The following TLK1 variants were observed in gnomAD, a reference collection of about 807,000 sequenced individuals.
The protein encoded by TLK1 is tousled like kinase 1, also known as serine/threonine-protein kinase tousled-like 1.
A neutral mutation model predicts 105.3 loss-of-function variants in TLK1; 24 were observed. That is an observed-to-expected ratio of 0.23 (90% CI 0.17 to 0.32). TLK1 has a LOEUF of 0.32. Ranked by LOEUF, TLK1 falls within the 10% of genes least tolerant of loss-of-function variation. The probability of loss-of-function intolerance (pLI) is 1.00; values close to 1 mark genes in which losing one functional copy is unlikely to be tolerated. For missense variants in TLK1, 558 were observed against 910.5 expected, an observed-to-expected ratio of 0.61 and a Z score of 4.98; for synonymous variants, 321 against 310.4, an observed-to-expected ratio of 1.03 and a Z score of -0.36.
intron 1 of TLK1, among the ~76,000 whole-genome samples, chr2:171,184,634 C>T (rs1339109291): frequency 9.9e-5 from 14 of 141,932 alleles, no homozygotes; most frequent in Non-Finnish European, 1.7e-4. Flanking sequence ...AAGAGCAAAA[C>T]TCCGTCTCAA....
chr2:171,077,997 ATC>A (rs1261444387), intron 3 of TLK1, among the ~76,000 whole-genome samples: 1 of 152,182 alleles, frequency 6.6e-6, no homozygotes, highest in Admixed American at 6.5e-5. Flanking sequence ...AGATCTGCTT[ATC>A]TACAACCAAG....
intron 1 of TLK1, among the ~76,000 whole-genome samples, chr2:171,175,599 T>C (rs946523823): frequency 6.6e-6 from 1 of 152,244 alleles, no homozygotes. Context: ...GAAGAAAAAC[T>C]GGAGCACCAT....
intron 1 of TLK1, among the ~76,000 whole-genome samples, chr2:171,219,996 G>C (rs549410402): frequency 6.6e-6 from 1 of 152,058 alleles, no homozygotes; most frequent in African/African-American, 2.4e-5. Context: ...CAACATTATC[G>C]CTTTGGGGGT....
chr2:171,198,402 T>G (rs780873625), intron 1 of TLK1, among the ~76,000 whole-genome samples: 3 of 152,134 alleles, frequency 2.0e-5, no homozygotes, highest in Non-Finnish European at 2.9e-5. Flanking sequence ...ATATCTCAAT[T>G]GGAAAAATAA....
rs1424183242 is a variant in TLK1, at chr2:170,993,684, A to G, written c.*96T>C. On this transcript the variant is annotated 3_prime_UTR_variant, in exon 21 of 21. Coordinates refer to ENST00000431350, the MANE Select transcript of TLK1 (RefSeq NM_012290.5). ...CGTCTTGTGTAAAAAAAAAAAAAAAAAAAAAAGAAAAAGAAAACAAACACT... is the reference window on the plus strand; with the variant it reads ...CGTCTTGTGTAAAAAAAAAAAAAAAGAAAAAAGAAAAAGAAAACAAACACT... 7 of 993,482 alleles carry G rather than the reference A, an allele frequency of 7.0e-6. No homozygotes were observed. Among genetic ancestry groups the G allele is most frequent in the African/African-American group, 5.1e-5 (3 of 58,778 alleles). The allele number at this position is 993,482 out of a possible 1,614,324, so 61.5% of individuals were successfully genotyped here. A position where few individuals can be genotyped will look rare whatever the true frequency, so the allele number is the denominator to read the frequency against.
chr2:171,047,974 A>G (rs1453060400), intron 10 of TLK1, among the ~76,000 whole-genome samples: 2 of 152,096 alleles, frequency 1.3e-5, no homozygotes, highest in Non-Finnish European at 2.9e-5. Flanking sequence ...TTTGAGACAG[A>G]CTCTCACTCT....
At chr2:171,129,061 G>A (rs975975503) in intron 1 of TLK1, among the ~76,000 whole-genome samples, 4 of 152,116 alleles carry the variant, frequency 2.6e-5, no homozygotes, top group African/African-American at 7.2e-5. Flanking sequence ...AAGAAGGAAT[G>A]TTCTCTAAGA....
chr2:171,104,229 T>C (rs137868729), intron 2 of TLK1, among the ~76,000 whole-genome samples: 3,028 of 151,334 alleles, frequency 0.02, 97 homozygotes, highest in African/African-American at 0.068. Context: ...TGAGCCGAGA[T>C]TGCACCACTG....
chr2:171,029,580 C>T (rs547597073), intron 11 of TLK1, among the ~76,000 whole-genome samples: 2 of 152,338 alleles, frequency 1.3e-5, no homozygotes, highest in African/African-American at 4.8e-5. Context: ...TCTCCTGCCT[C>T]AGTGTTCCAA....
chr2:171,181,174 T>C (rs1175043257), intron 1 of TLK1, among the ~76,000 whole-genome samples: 1 of 152,176 alleles, frequency 6.6e-6, no homozygotes, highest in Non-Finnish European at 1.5e-5. Context: ...GAAACAAAAC[T>C]TCAAAGTTGG....
intron 1 of TLK1, among the ~76,000 whole-genome samples, chr2:171,193,145 C>A (rs557190632): frequency 6.6e-6 from 1 of 152,246 alleles, no homozygotes; most frequent in Admixed American, 6.5e-5. Flanking sequence ...GTATTGGTAA[C>A]CACACATTTG....
At chr2:171,089,468 A>C (rs1689128390) in intron 2 of TLK1, among the ~76,000 whole-genome samples, 1 of 152,238 alleles carries the variant, frequency 6.6e-6, no homozygotes, top group Non-Finnish European at 1.5e-5. Flanking sequence ...GTTCAAAGTG[A>C]AGAGTTATTT....
intron 12 of TLK1, among the ~76,000 whole-genome samples, chr2:171,015,379 AT>A (rs1302691749): frequency 2.6e-5 from 4 of 151,422 alleles, no homozygotes; most frequent in Non-Finnish European, 5.9e-5. Flanking sequence ...AAAAAGCAGA[AT>A]GATTCTTCCT....
chr2:171,183,355 C>A (rs1692962942), intron 1 of TLK1, among the ~76,000 whole-genome samples: 1 of 152,094 alleles, frequency 6.6e-6, no homozygotes, highest in African/African-American at 2.4e-5. Context: ...CATTTCCTTG[C>A]TTTTCTTTAA....
chr2:171,159,292 A>G lies in TLK1; in HGVS notation c.139+998T>C, dbSNP rs142645584. Among the ~76,000 whole-genome samples the G allele has an allele frequency of 2.2e-4, 33 of 152,322 alleles. No individual in the cohort carries two copies. In the East Asian group the frequency reaches 6.4e-3, roughly 29 times the overall value. On this transcript the variant is annotated intron_variant, in intron 1 of 20. Coordinates refer to ENST00000431350, the MANE Select transcript of TLK1 (RefSeq NM_012290.5). ...ATGAATACCGCTAAGCTTTTTCCAG[A>G]CTAAAGAGCGTTAAAAGACATTCCA... is the stretch of plus-strand genomic sequence containing the variant.
intron 14 of TLK1, among the ~76,000 whole-genome samples, chr2:171,008,585 A>T (rs1684753477): frequency 6.6e-6 from 1 of 152,188 alleles, no homozygotes; most frequent in African/African-American, 2.4e-5. Context: ...ATACCTTTCC[A>T]TAAGGTTAAT....
intron 11 of TLK1, among the ~76,000 whole-genome samples, chr2:171,036,474 G>A (rs951872327): frequency 2.6e-5 from 4 of 152,158 alleles, no homozygotes; most frequent in Non-Finnish European, 4.4e-5. Flanking sequence ...ATAACCTAGA[G>A]GACAGAAACC....
At chr2:171,056,968 T>C (rs1445679873) in intron 5 of TLK1, among the ~76,000 whole-genome samples, 1 of 152,028 alleles carries the variant, frequency 6.6e-6, no homozygotes, top group East Asian at 1.9e-4. Flanking sequence ...CCCATAGACC[T>C]TAGTGAACAT....
chr2:171,225,891 C>A (rs1358599674), intron 1 of TLK1, among the ~76,000 whole-genome samples: 1 of 152,156 alleles, frequency 6.6e-6, no homozygotes, highest in Admixed American at 6.5e-5. Flanking sequence ...AATTTAGAAA[C>A]CAACATCTAG....
Sources: allele counts gnomAD v4.1 joint callset (sites outside exome capture counted in the v4.1 genomes callset), GRCh38; gene constraint gnomAD v4.1.1; transcripts MANE v1.5; gene names NCBI Gene and HGNC (gene_info 2026-07-23, HGNC 2026-07-21).